Variants in CAPN12 observed in about 807,000 individuals in gnomAD.
The protein encoded by CAPN12 is calpain-12.
A neutral mutation model predicts 95.0 loss-of-function variants in CAPN12; 107 were observed. That is an observed-to-expected ratio of 1.13 (90% CI 0.96 to 1.32). The LOEUF (loss-of-function observed/expected upper bound fraction) is 1.32. Among genes scored for constraint, CAPN12 ranks in the 40% most tolerant of loss-of-function variants. CAPN12 has a pLI of 0.00. For missense variants in CAPN12, 1,136 were observed against 997.8 expected (o/e 1.14, Z -1.87); for synonymous variants, 505 against 415.5 (o/e 1.22, Z -2.62).
chr19:38,743,635 T>C (rs1480213083), intron 1 of CAPN12, among the ~76,000 whole-genome samples: 2 of 107,662 alleles, frequency 1.9e-5, no homozygotes, highest in Non-Finnish European at 3.6e-5. Context: ...TGGCCTCTCC[T>C]CCCTCAGATC....
chr19:38,736,820 T>G (rs1046323431), intron 10 of CAPN12: 31 of 582,802 alleles, frequency 5.3e-5, no homozygotes, highest in Non-Finnish European at 8.8e-5. Flanking sequence ...AGCCTCTCTC[T>G]GTCCCTAACC....
chr19:38,735,297 T>TGGGGTG (rs1386456162), intron 14 of CAPN12, 73 bp downstream of exon 14: 15 of 1,417,234 alleles, frequency 1.1e-5, no homozygotes, highest in East Asian at 2.4e-5. Context: ...CCTGAGATGC[T>TGGGGTG]GGGGTGGGGG....
chr19:38,744,243 A>G lies in CAPN12; in HGVS notation c.-78T>C. The G allele has an allele frequency of 1.5e-6, 2 of 1,343,068 alleles. No individual in the cohort carries two copies. The highest frequency in any genetic ancestry group is 2.1e-6 in the Non-Finnish European group (2 of 943,856). The allele number at this position is 1,343,068 out of a possible 1,614,324, so 83.2% of individuals were successfully genotyped here. On this transcript the variant is annotated 5_prime_UTR_variant, in exon 1 of 21. Transcript: ENST00000328867. ...GGGGGCGGGGCCTCTCTTCCATTGG[A>G]GCCCCAGTGGGGTCTTTAGGCAATG...
chr19:38,744,475 G>A, upstream of CAPN12: 1 of 465,178 alleles, frequency 2.1e-6, no homozygotes, highest in South Asian at 2.2e-5. Flanking sequence ...GGAGGTCAGT[G>A]TGGGGGTGAG....
intron 5 of CAPN12, 131 bp downstream of exon 5, chr19:38,739,920 G>T: frequency 1.0e-6 from 1 of 955,400 alleles, no homozygotes; most frequent in Non-Finnish European, 1.4e-6. Flanking sequence ...TTTTTGACTA[G>T]TTAGATTTAT....
intron 18 of CAPN12, 171 bp from the exon 19 acceptor site, chr19:38,731,394 T>C (rs1969596369): frequency 1.6e-6 from 1 of 627,464 alleles, no homozygotes; most frequent in Non-Finnish European, 2.9e-6. Flanking sequence ...TCTGGGCCTG[T>C]TTCCTCATCC....
At chr19:38,740,318 TC>T in intron 4 of CAPN12, 99 bp from the exon 5 acceptor site, 1 of 1,246,208 alleles carries the variant, frequency 8.0e-7, no homozygotes, top group Non-Finnish European at 1.1e-6. Context: ...GGGTGTGGAA[TC>T]CCCAGGGGAA....
chr19:38,743,204 G>A (rs1298976301), intron 1 of CAPN12, 102 bp from the exon 2 acceptor site: 1 of 1,366,226 alleles, frequency 7.3e-7, no homozygotes, highest in Non-Finnish European at 1.0e-6. Context: ...CTGGAAGCCT[G>A]TGGGCAGGAG....
At position 38,730,503 on chromosome 19, in the gene CAPN12, A is replaced by G. The variant is rs1043709606; in HGVS notation, c.*349T>C. On this transcript the variant is annotated 3_prime_UTR_variant, in exon 21 of 21. Transcript: ENST00000328867. ...ATAAACCACCCTCTGGGGACAGGAT[A>G]ATAAAACATGTAATATTTTTAAGAA... 2 of 336,604 alleles carry G rather than the reference A, an allele frequency of 5.9e-6. No homozygotes were observed. 20.9% of individuals were successfully genotyped at this position (336,604 alleles called of 1,614,324 possible). A position where few individuals can be genotyped will look rare whatever the true frequency, so the allele number is the denominator to read the frequency against.
Position 38,744,021 on chromosome 19 carries a change from G to T in CAPN12, c.145C>A (p.Pro49Thr), listed in dbSNP as rs774508227. The change falls in exon 1 of 21, where the codon CCT (proline) becomes ACT (threonine). Residue 49 changes from proline (P) to threonine (T), a missense_variant. By Grantham distance (38) the Pro-to-Thr change is conservative (BLOSUM62 -1). Coordinates refer to ENST00000328867, the MANE Select transcript of CAPN12 (RefSeq NM_144691.4). ...CLDSGILFRD[P>T]YFPAGPDALG... ...GCATCAGGGCCAGCAGGGAAGTAAG[G>T]GTCGCGGAACAGGATCCCCGAATCC... The T allele has an allele frequency of 7.4e-6, 12 of 1,614,232 alleles. No homozygotes were observed. In the South Asian group the frequency reaches 1.2e-4, roughly 16 times the overall value.
chr19:38,737,306 C>G lies in CAPN12; in HGVS notation c.1212G>C (p.Trp404Cys), dbSNP rs1254805577. 1.3e-6 allele frequency: 2 copies of G among 1,561,998 alleles called. No homozygotes were observed. The highest frequency in any genetic ancestry group is 1.9e-5 in the Admixed American group (1 of 52,608). The stretch of plus-strand genomic sequence containing the variant: ...GTGCCCCTGCAGCCCCCCAGCCCCC[C>G]CAGGGCCCTTCCTCATCCTCGTCAT... ...EEDDEDEEGP[W>C]GGWGAAGARG... Residue 404 changes from tryptophan (W) to cysteine (C), a missense_variant, in exon 10 of 21, where the codon TGG (tryptophan) becomes TGC (cysteine). Coordinates refer to ENST00000328867, the MANE Select transcript of CAPN12 (RefSeq NM_144691.4).
intron 18 of CAPN12, 122 bp from the exon 19 acceptor site, chr19:38,731,345 C>G (rs1447987284): frequency 1.4e-6 from 1 of 736,250 alleles, no homozygotes. Flanking sequence ...AACTCTGCCC[C>G]ATCCCGGCAG....
chr19:38,730,421 TCCCCC>T lies in CAPN12; in HGVS notation c.*426_*430del, dbSNP rs141337575. On this transcript the variant is annotated 3_prime_UTR_variant, in exon 21 of 21. Coordinates refer to ENST00000328867, the MANE Select transcript of CAPN12 (RefSeq NM_144691.4). ...GCTGCCTGGTGGTTGATGGTTTTGCTCCCCCTACCTTTTTTTTTTGAGTTTATTCT... is the reference window on the plus strand; with the variant it reads ...GCTGCCTGGTGGTTGATGGTTTTGCTTACCTTTTTTTTTTGAGTTTATTCT... 515 of 182,656 alleles carry T rather than the reference TCCCCC, an allele frequency of 2.8e-3. 1 individual carries two copies. The highest frequency in any genetic ancestry group is 4.7e-3 in the Non-Finnish European group (405 of 86,132). The allele number at this position is 182,656 out of a possible 1,614,324, so 11.3% of individuals were successfully genotyped here. A position where few individuals can be genotyped will look rare whatever the true frequency, so the allele number is the denominator to read the frequency against.
Position 38,734,379 on chromosome 19 carries a change from A to G in CAPN12, c.1755T>C (p.His585=), listed in dbSNP as rs931857948. 7 of 1,598,478 alleles carry G rather than the reference A, an allele frequency of 4.4e-6. 1 individual carries two copies. The highest frequency in any genetic ancestry group is 2.2e-5 in the South Asian group (2 of 89,372). ...LSIALEPARA[H]TSTPREIGLR... ...GCCCGATCTCTCTGGGGGTGGAGGT[A>G]TGGGCCCTGGCTACAGGAAAAACAA... Residue 585 remains histidine (H), a synonymous_variant, in exon 16 of 21, where the codon CAT becomes CAC. Coordinates refer to ENST00000328867, the MANE Select transcript of CAPN12 (RefSeq NM_144691.4).
Position 38,733,685 on chromosome 19 carries a change from C to G in CAPN12, c.1957+18G>C, listed in dbSNP as rs766405326. 1.9e-6 allele frequency: 3 copies of G among 1,611,310 alleles called. No individual in the cohort carries two copies. The Admixed American group carries it at 5.0e-5, about 27-fold the overall frequency. On this transcript the variant is annotated intron_variant, in intron 18 of 20. Coordinates refer to ENST00000328867, the MANE Select transcript of CAPN12 (RefSeq NM_144691.4). The stretch of plus-strand genomic sequence containing the variant: ...AACAGGTCCTGTCCCCACGACCACC[C>G]CAGGACCCTGTCCACACCTGCTGCA...
intron 14 of CAPN12, chr19:38,735,071 C>G (rs192111203): frequency 2.5e-5 from 15 of 607,478 alleles, no homozygotes; most frequent in South Asian, 1.0e-4. Context: ...GCCAGCAGAC[C>G]GGCCTGGGGC....
chr19:38,734,257 GGA>G (rs1969848843), intron 16 of CAPN12, 53 bp from the exon 17 acceptor site: 1 of 1,607,718 alleles, frequency 6.2e-7, no homozygotes. Flanking sequence ...CAGAAGGGGA[GGA>G]GAGACCCCAA....
rs745549681 is a variant in CAPN12, at chr19:38,738,264, C to T, written c.965+9G>A. On this transcript the variant is annotated intron_variant, in intron 8 of 20. Coordinates refer to ENST00000328867, the MANE Select transcript of CAPN12 (RefSeq NM_144691.4). ...CCCAGAGGCAGAGCTGGGACCCTGA[C>T]GAACTGACCAGAACTCGCCATCCTC... 30 of 1,611,838 alleles carry T rather than the reference C, an allele frequency of 1.9e-5. No homozygotes were observed. The East Asian group carries it at 2.7e-4, about 14-fold the overall frequency.
chr19:38,742,151 C>G, intron 3 of CAPN12: 1 of 627,054 alleles, frequency 1.6e-6, no homozygotes, highest in East Asian at 2.8e-5. Flanking sequence ...TGGTGAAATA[C>G]CATCTCTACT....
Sources: allele counts gnomAD v4.1 joint callset (sites outside exome capture counted in the v4.1 genomes callset), GRCh38; gene constraint gnomAD v4.1.1; transcripts MANE v1.5; gene names NCBI Gene and HGNC (gene_info 2026-07-23, HGNC 2026-07-21).